The following PARD3 variants were observed in gnomAD, a reference collection of about 807,000 sequenced individuals.
PARD3 encodes partitioning defective 3 homolog.
A neutral mutation model predicts 155.4 loss-of-function variants in PARD3; 75 were observed. The ratio of observed to expected loss-of-function variants is 0.48; its 90% confidence interval spans 0.40 to 0.58. The LOEUF (loss-of-function observed/expected upper bound fraction) is 0.58. PARD3 is among the 20% of genes least tolerant of loss of function. The pLI is 0.00. For missense variants in PARD3, 1,642 were observed against 1,721.7 expected (o/e 0.95, Z 0.82); for synonymous variants, 576 against 610.5 (o/e 0.94, Z 0.83).
intron 1 of PARD3, among the ~76,000 whole-genome samples, chr10:34,789,237 A>G (rs1490958135): frequency 6.6e-6 from 1 of 152,208 alleles, no homozygotes; most frequent in Non-Finnish European, 1.5e-5. Flanking sequence ...GGCCGCAGTG[A>G]GCCATGAAGA....
chr10:34,427,305 C>G (rs948266386), intron 5 of PARD3, among the ~76,000 whole-genome samples: 9 of 152,198 alleles, frequency 5.9e-5, no homozygotes, highest in African/African-American at 2.2e-4. Context: ...ATTAACAGCT[C>G]TGAGAAAAGA....
chr10:34,180,747 G>A (rs1950232271), intron 22 of PARD3, among the ~76,000 whole-genome samples: 1 of 152,090 alleles, frequency 6.6e-6, no homozygotes, highest in Middle Eastern at 3.2e-3. Flanking sequence ...CTAAATCAAT[G>A]GGAATCTAAG....
chr10:34,533,985 T>C (rs2083040510), intron 2 of PARD3, among the ~76,000 whole-genome samples: 1 of 152,072 alleles, frequency 6.6e-6, no homozygotes, highest in Non-Finnish European at 1.5e-5. Flanking sequence ...CAAGAGATAA[T>C]AAACACCCCC....
At chr10:34,657,816 G>A (rs1177919741) in intron 2 of PARD3, among the ~76,000 whole-genome samples, 1 of 151,936 alleles carries the variant, frequency 6.6e-6, no homozygotes, top group Admixed American at 6.5e-5. Flanking sequence ...TGGGATTACA[G>A]GCACGAGCCA....
At chr10:34,744,970 C>A (rs1194885255) in intron 1 of PARD3, among the ~76,000 whole-genome samples, 7 of 152,184 alleles carry the variant, frequency 4.6e-5, no homozygotes, top group Non-Finnish European at 8.8e-5. Flanking sequence ...TCCTCGACCA[C>A]CCCTTGGACC....
rs1186234709 is a variant in PARD3, at chr10:34,119,689, C to T, written c.3592G>A (p.Val1198Met). ...QSGRHSVSVE[V>M]QMQRQRQEER... ...TCCTGCCGCTGCCGCTGCATCTGCA[C>T]CTCCACGGACACCGAGTGTCGCCCG... Residue 1198 changes from valine (V) to methionine (M), a missense_variant, in exon 24 of 25, where the codon GTG becomes ATG. Physicochemically the swap from Val to Met is conservative, Grantham distance 21. Coordinates refer to ENST00000374788, the MANE Select transcript of PARD3 (RefSeq NM_001184785.2). The T allele has an allele frequency of 6.2e-7, 1 of 1,613,020 alleles. No homozygotes were observed. Among genetic ancestry groups the T allele is most frequent in the South Asian group, 1.1e-5 (1 of 90,958 alleles).
chr10:34,489,504 T>G (rs1014363139), intron 3 of PARD3, among the ~76,000 whole-genome samples: 2 of 152,218 alleles, frequency 1.3e-5, no homozygotes, highest in Non-Finnish European at 2.9e-5. Flanking sequence ...TGTTCCAGTT[T>G]CAAATTAATT....
intron 22 of PARD3, among the ~76,000 whole-genome samples, chr10:34,241,024 C>T (rs1479487991): frequency 6.6e-6 from 1 of 152,162 alleles, no homozygotes; most frequent in African/African-American, 2.4e-5. Context: ...GATGGGGTCT[C>T]TGCTCTCCTA....
intron 4 of PARD3, among the ~76,000 whole-genome samples, chr10:34,455,776 A>G (rs920496123): frequency 6.6e-6 from 1 of 152,174 alleles, no homozygotes; most frequent in African/African-American, 2.4e-5. Context: ...AGTATTCATT[A>G]TCATTTACCC....
chr10:34,756,476 A>AT (rs1477937824), intron 1 of PARD3, among the ~76,000 whole-genome samples: 311 of 62,010 alleles, frequency 5.0e-3, no homozygotes, highest in Middle Eastern at 9.8e-3. Flanking sequence ...TTTTTTTCTT[A>AT]TAAAAAAAAA....
chr10:34,331,619 C>T (rs1835626341), intron 18 of PARD3, among the ~76,000 whole-genome samples: 1 of 152,018 alleles, frequency 6.6e-6, no homozygotes. Flanking sequence ...AAATTGTTGT[C>T]AAATCGTTTT....
chr10:34,585,924 T>G (rs190469390), intron 2 of PARD3, among the ~76,000 whole-genome samples: 1 of 152,304 alleles, frequency 6.6e-6, no homozygotes, highest in Admixed American at 6.5e-5. Flanking sequence ...ATCAATTACA[T>G]ATTTTGAATT....
intron 3 of PARD3, among the ~76,000 whole-genome samples, chr10:34,509,677 C>A (rs115117435): frequency 6.6e-6 from 1 of 152,062 alleles, no homozygotes; most frequent in South Asian, 2.1e-4. Flanking sequence ...ATGGTGAGGG[C>A]GGCCCATGAT....
intron 1 of PARD3, among the ~76,000 whole-genome samples, chr10:34,696,778 C>CA (rs1490529994): frequency 6.6e-6 from 1 of 151,162 alleles, no homozygotes; most frequent in African/African-American, 2.4e-5. Context: ...ACCCCCAATG[C>CA]AATCTACAGA....
intron 22 of PARD3, among the ~76,000 whole-genome samples, chr10:34,155,163 G>A (rs560031030): frequency 4.6e-5 from 7 of 152,274 alleles, no homozygotes; most frequent in South Asian, 2.1e-4. Context: ...CAGGTTGAGC[G>A]GTCAGCCTAT....
chr10:34,651,010 T>TTAAAAAAAAAA (rs2092994493), intron 2 of PARD3, among the ~76,000 whole-genome samples: 1 of 31,758 alleles, frequency 3.1e-5, no homozygotes, highest in South Asian at 1.7e-3. Flanking sequence ...AAACTCTGTC[T>TTAAAAAAAAAA]CAAAAAAAAA....
chr10:34,176,959 G>A (rs914565178), intron 22 of PARD3, among the ~76,000 whole-genome samples: 1 of 151,738 alleles, frequency 6.6e-6, no homozygotes, highest in African/African-American at 2.4e-5. Context: ...GTGTGTGTGT[G>A]TGTGTGTGTG....
intron 2 of PARD3, among the ~76,000 whole-genome samples, chr10:34,653,499 A>G (rs994725485): frequency 1.2e-4 from 19 of 152,336 alleles, no homozygotes; most frequent in Admixed American, 4.6e-4. Context: ...AAAGAAAAAA[A>G]TGCTCCCACA....
chr10:34,286,943 G>A (rs1187114159), intron 20 of PARD3, among the ~76,000 whole-genome samples: 1 of 152,152 alleles, frequency 6.6e-6, no homozygotes, highest in Non-Finnish European at 1.5e-5. Context: ...GGTCATGGAC[G>A]TTAGGGAAAG....
Sources: allele counts gnomAD v4.1 joint callset (sites outside exome capture counted in the v4.1 genomes callset), GRCh38; gene constraint gnomAD v4.1.1; transcripts MANE v1.5; gene names NCBI Gene and HGNC (gene_info 2026-07-23, HGNC 2026-07-21).